The following FHL2 variants were observed in gnomAD, a reference collection of about 807,000 sequenced individuals.
FHL2 encodes four and a half LIM domains protein 2.
Under a neutral mutation model 32.7 loss-of-function variants are expected in FHL2, and 20 were observed. The ratio of observed to expected loss-of-function variants is 0.61; its 90% CI spans 0.43 to 0.89. The LOEUF is 0.89. FHL2 is among the 40% of genes least tolerant of loss of function. The probability of loss-of-function intolerance (pLI) is 0.00; values close to 1 mark genes in which losing one functional copy is unlikely to be tolerated. For synonymous variants in FHL2, 123 were observed against 128.1 expected, an observed-to-expected ratio of 0.96 and a Z score of 0.27; for missense variants, 311 against 358.6, an observed-to-expected ratio of 0.87 and a Z score of 1.07.
rs201189319 is a variant in FHL2, at chr2:105,386,409, G to A, written c.108C>T (p.Phe36=). The A allele has an allele frequency of 4.2e-4, 680 of 1,614,190 alleles. 6 individuals are homozygous for A. In the Middle Eastern group the frequency reaches 5.4e-3, roughly 13 times the overall value. Residue 36 remains phenylalanine, a synonymous_variant, in exon 3 of 7, where the codon TTC becomes TTT. Transcript: ENST00000530340. ...TCCCACACTCCTCGCAGGTGTTGGC[G>A]AACAGGGTCTCAAAGCACACCACGC... ...PYCVVCFETL[F]ANTCEECGKP...
upstream of FHL2, chr2:105,399,572 G>A (rs553678717): frequency 2.0e-6 from 3 of 1,535,124 alleles, no homozygotes; most frequent in South Asian, 2.4e-5. Flanking sequence ...CACTACGGAG[G>A]GGACTAAAGG....
chr2:105,417,778 T>A (rs1305854836), intron 1 of FHL2, among the ~76,000 whole-genome samples: 1 of 152,154 alleles, frequency 6.6e-6, no homozygotes, highest in Non-Finnish European at 1.5e-5. Context: ...ATTGTTACTG[T>A]TGTTTTGTCA....
intron 5 of FHL2, among the ~76,000 whole-genome samples, chr2:105,364,287 C>A (rs1011681910): frequency 9.2e-5 from 14 of 152,094 alleles, no homozygotes; most frequent in Non-Finnish European, 1.8e-4. Context: ...AACAAAAACC[C>A]TGGCAAGTGG....
chr2:105,400,816 C>G (rs950145500), upstream of FHL2, among the ~76,000 whole-genome samples: 3 of 150,902 alleles, frequency 2.0e-5, no homozygotes, highest in African/African-American at 7.3e-5. Context: ...ATAGGTTCAG[C>G]TATGTTGTGT....
At chr2:105,404,150 A>G (rs145232035), upstream of FHL2, among the ~76,000 whole-genome samples, 51 of 152,302 alleles carry the variant, frequency 3.3e-4, no homozygotes, top group African/African-American at 1.2e-3. Flanking sequence ...TGGAGGTCAG[A>G]CCGCCCTATG....
intron 1 of FHL2, among the ~76,000 whole-genome samples, chr2:105,421,696 T>C (rs1205549565): frequency 6.6e-6 from 1 of 152,178 alleles, no homozygotes; most frequent in African/African-American, 2.4e-5. Flanking sequence ...ATTGAGAAAG[T>C]GTCTAGCTCA....
intron 1 of FHL2, among the ~76,000 whole-genome samples, chr2:105,417,437 C>T (rs1396463785): frequency 6.6e-6 from 1 of 151,884 alleles, no homozygotes; most frequent in Non-Finnish European, 1.5e-5. Context: ...GTAATCCCAG[C>T]AATTCGGGAG....
chr2:105,377,948 G>A (rs1681597098), intron 3 of FHL2: 1 of 426,718 alleles, frequency 2.3e-6, no homozygotes, highest in Non-Finnish European at 4.8e-6. Flanking sequence ...AGTGACAAGA[G>A]AGGGAAGAGA....
At chr2:105,427,800 G>C (rs1474532282) in intron 1 of FHL2, among the ~76,000 whole-genome samples, 1 of 152,150 alleles carries the variant, frequency 6.6e-6, no homozygotes, top group Non-Finnish European at 1.5e-5. Flanking sequence ...TTTGGGCTCA[G>C]AGAAGGGACC....
At chr2:105,387,243 T>C (rs1375597584) in intron 2 of FHL2, among the ~76,000 whole-genome samples, 1 of 152,166 alleles carries the variant, frequency 6.6e-6, no homozygotes, top group Non-Finnish European at 1.5e-5. Flanking sequence ...AAATAATACG[T>C]CCATTTCTAT....
intron 2 of FHL2, among the ~76,000 whole-genome samples, chr2:105,394,667 T>C (rs1300740561): frequency 6.6e-6 from 1 of 152,194 alleles, no homozygotes. Flanking sequence ...TTGAAATCTA[T>C]TTTTAAATTG....
At chr2:105,371,302 C>T (rs560299626) in intron 4 of FHL2, among the ~76,000 whole-genome samples, 31 of 152,218 alleles carry the variant, frequency 2.0e-4, no homozygotes, top group African/African-American at 6.7e-4. Context: ...GTATCAGGGC[C>T]GGGCTTCATC....
chr2:105,374,223 C>T (rs531221062), intron 3 of FHL2: 5 of 194,062 alleles, frequency 2.6e-5, no homozygotes, highest in South Asian at 1.0e-4. Flanking sequence ...TGGTGGGAGA[C>T]GGTCAGGAGA....
intron 6 of FHL2, among the ~76,000 whole-genome samples, chr2:105,362,423 G>A (rs1204685803): frequency 6.6e-6 from 1 of 152,184 alleles, no homozygotes; most frequent in East Asian, 1.9e-4. Context: ...TAAGGGAAAG[G>A]AAAGTCAAGG....
At chr2:105,377,356 C>T (rs914642091) in intron 3 of FHL2, among the ~76,000 whole-genome samples, 29 of 152,128 alleles carry the variant, frequency 1.9e-4, no homozygotes, top group African/African-American at 6.0e-4. Flanking sequence ...TTTGGCCAGG[C>T]GAGGTGGCTC....
intron 3 of FHL2, chr2:105,376,375 A>C (rs1192875121): frequency 6.6e-6 from 1 of 152,188 alleles, no homozygotes; most frequent in Non-Finnish European, 1.5e-5. Context: ...AAAATCCAGA[A>C]ACGACCAAAC....
chr2:105,407,595 T>C (rs1340623345), intron 1 of FHL2, among the ~76,000 whole-genome samples: 1 of 151,952 alleles, frequency 6.6e-6, no homozygotes. Flanking sequence ...GCCTTCCAGA[T>C]ATCAGCAGAT....
chr2:105,416,372 G>A (rs1251530553), intron 1 of FHL2, among the ~76,000 whole-genome samples: 1 of 152,330 alleles, frequency 6.6e-6, no homozygotes, highest in South Asian at 2.1e-4. Flanking sequence ...GGAGTATGTG[G>A]TTTTGGTTGA....
intron 1 of FHL2, among the ~76,000 whole-genome samples, chr2:105,430,916 C>T (rs995206199): frequency 6.6e-6 from 1 of 152,226 alleles, no homozygotes; most frequent in Non-Finnish European, 1.5e-5. Flanking sequence ...TGTCCAATCA[C>T]ATTTTTACAC....
Sources: gnomAD v4.1 joint callset for allele counts (sites outside exome capture counted in the v4.1 genomes callset) on GRCh38, gnomAD v4.1.1 for gene constraint, MANE v1.5 for transcripts, NCBI Gene and HGNC (gene_info 2026-07-23, HGNC 2026-07-21) for gene names.